Variants in BPTF observed in about 807,000 individuals in gnomAD.
BPTF encodes bromodomain PHD finger transcription factor.
Under a neutral mutation model 292.5 loss-of-function variants are expected in BPTF, and 18 were observed. The ratio of observed to expected loss-of-function variants is 0.06; its 90% CI spans 0.04 to 0.09. The LOEUF (loss-of-function observed/expected upper bound fraction) is 0.09. Ranked by LOEUF, BPTF falls within the 10% of genes least tolerant of loss-of-function variation. The pLI, the probability that BPTF is intolerant of heterozygous loss-of-function variation, is 1.00. For synonymous variants in BPTF, 1,225 were observed against 1,251.9 expected (o/e 0.98, Z 0.45); for missense variants, 2,726 against 3,498.7 (o/e 0.78, Z 5.57).
chr17:67,832,726 C>T (rs1210401050), intron 1 of BPTF, among the ~76,000 whole-genome samples: 2 of 151,890 alleles, frequency 1.3e-5, no homozygotes, highest in East Asian at 3.8e-4. Context: ...TTCTTCACCT[C>T]CCTCCTGCTC....
At position 67,826,304 on chromosome 17, in the gene BPTF, T is replaced by C; in HGVS notation, c.580T>C (p.Phe194Leu). 6.2e-7 allele frequency: 1 copy of C among 1,612,356 alleles called. No homozygotes were observed. Among genetic ancestry groups the C allele is most frequent in the Non-Finnish European group, 8.5e-7 (1 of 1,179,666 alleles). The change falls in exon 1 of 28, where the codon TTC becomes CTC. Residue 194 changes from phenylalanine (F) to leucine (L), a missense_variant. Phe to Leu is a conservative substitution (Grantham distance 22). Around this residue, in one of 22 missense-constraint regions of BPTF, gnomAD observed 153 missense variants for 178.3 expected, o/e 0.86. Coordinates refer to ENST00000306378, the MANE Select transcript of BPTF (RefSeq NM_182641.4). ...CGCCAGTTACTGCACGGAAAGCAGCTTCAGGAGCCATAGTACCTACAGCAG... is the reference window on the plus strand; with the variant it reads ...CGCCAGTTACTGCACGGAAAGCAGCCTCAGGAGCCATAGTACCTACAGCAG... Reference protein sequence around the residue: ...DDASYCTESSFRSHSTYSSTP... With the variant: ...DDASYCTESSLRSHSTYSSTP...
chr17:67,910,056 A>G (rs2062547585), intron 10 of BPTF, among the ~76,000 whole-genome samples: 1 of 152,216 alleles, frequency 6.6e-6, no homozygotes, highest in African/African-American at 2.4e-5. Flanking sequence ...CCACCAGCTT[A>G]GTGGTCTACT....
At chr17:67,895,589 A>T (rs149565165) in intron 7 of BPTF, among the ~76,000 whole-genome samples, 83 of 151,386 alleles carry the variant, frequency 5.5e-4, no homozygotes, top group Non-Finnish European at 9.6e-4. Flanking sequence ...CAGCCTCCTG[A>T]GTAGTTGGGA....
At chr17:67,855,866 C>T (rs2058660619) in intron 2 of BPTF, among the ~76,000 whole-genome samples, 2 of 152,140 alleles carry the variant, frequency 1.3e-5, no homozygotes, top group Admixed American at 1.3e-4. Flanking sequence ...AGTGTGCTGT[C>T]GAGAGGTCTG....
chr17:67,886,435 A>G (rs2060758203), intron 4 of BPTF: 1 of 680,838 alleles, frequency 1.5e-6, no homozygotes, highest in African/African-American at 1.9e-5. Flanking sequence ...AATTTTTTAA[A>G]TGAAAGTTTG....
chr17:67,918,975 ATC>A, intron 12 of BPTF, 137 bp downstream of exon 12: 1 of 823,508 alleles, frequency 1.2e-6, no homozygotes, highest in Non-Finnish European at 1.8e-6. Context: ...GATCCTGACC[ATC>A]CTGGCTAACA....
chr17:67,881,858 GTTT>G (rs71354089), intron 4 of BPTF, among the ~76,000 whole-genome samples: 5 of 30,014 alleles, frequency 1.7e-4, no homozygotes, highest in Non-Finnish European at 1.6e-4. Context: ...TTGGGTTTTT[GTTT>G]TTTTTTTTTT....
chr17:67,931,154 A>G (rs376872787), intron 17 of BPTF, among the ~76,000 whole-genome samples: 4 of 152,138 alleles, frequency 2.6e-5, no homozygotes, highest in East Asian at 3.9e-4. Context: ...GATCCCAGCT[A>G]CTTGGGAGGC....
At chr17:67,858,529 T>C (rs1272696244) in intron 2 of BPTF, among the ~76,000 whole-genome samples, 1 of 132,388 alleles carries the variant, frequency 7.6e-6, no homozygotes, top group East Asian at 2.2e-4. Flanking sequence ...TACTCCAGCC[T>C]GGGTGATGGA....
At position 67,912,714 on chromosome 17, in the gene BPTF, G is replaced by A; in HGVS notation, c.4830G>A (p.Lys1610=). Residue 1610 remains lysine (K), a synonymous_variant, in exon 11 of 28, where the codon AAG becomes AAA. Coordinates refer to ENST00000306378, the MANE Select transcript of BPTF (RefSeq NM_182641.4). The stretch of plus-strand genomic sequence containing the variant: ...TGATCAAGGTAGAAAAAGGCGATAA[G>A]CAAACTGTGGTTTCTTCCACAGAAA... ...KTVIKVEKGD[K]QTVVSSTENC... 2 of 1,614,028 alleles carry A rather than the reference G, an allele frequency of 1.2e-6. No homozygotes were observed. The highest frequency in any genetic ancestry group is 1.6e-4 in the Middle Eastern group (1 of 6,062).
chr17:67,943,501 C>G (rs2065557401), intron 19 of BPTF, among the ~76,000 whole-genome samples: 1 of 152,196 alleles, frequency 6.6e-6, no homozygotes, highest in Admixed American at 6.5e-5. Flanking sequence ...GGTAACTGCT[C>G]AGACCTTAGT....
intron 2 of BPTF, among the ~76,000 whole-genome samples, chr17:67,865,397 A>G (rs1313774942): frequency 6.6e-6 from 1 of 152,204 alleles, no homozygotes; most frequent in African/African-American, 2.4e-5. Flanking sequence ...ACTGTGGTAG[A>G]TGCCTTATCA....
At chr17:67,833,996 A>G (rs1251181502) in intron 1 of BPTF, among the ~76,000 whole-genome samples, 2 of 150,674 alleles carry the variant, frequency 1.3e-5, no homozygotes, top group East Asian at 3.9e-4. Flanking sequence ...TTCCTTATTC[A>G]CTCCTTATTT....
At chr17:67,841,295 G>C (rs1479961826) in intron 1 of BPTF, among the ~76,000 whole-genome samples, 7 of 152,080 alleles carry the variant, frequency 4.6e-5, no homozygotes. Context: ...TGTAATCCCA[G>C]CTACTCGGGA....
intron 4 of BPTF, among the ~76,000 whole-genome samples, chr17:67,881,862 T>TG (rs2060439084): frequency 2.3e-5 from 1 of 43,192 alleles, no homozygotes; most frequent in Admixed American, 2.1e-4. Flanking sequence ...GTTTTTGTTT[T>TG]TTTTTTTTTT....
At chr17:67,840,550 C>A (rs2057475179) in intron 1 of BPTF, among the ~76,000 whole-genome samples, 1 of 151,124 alleles carries the variant, frequency 6.6e-6, no homozygotes, top group Admixed American at 6.6e-5. Context: ...TCTCCTCTTC[C>A]TCCTCCTCCT....
At chr17:67,933,619 T>A (rs966565494) in intron 18 of BPTF, among the ~76,000 whole-genome samples, 3 of 152,076 alleles carry the variant, frequency 2.0e-5, no homozygotes, top group African/African-American at 7.2e-5. Flanking sequence ...TAATCTTGAA[T>A]CTTTATGAAT....
chr17:67,870,667 A>C (rs1007675430), intron 3 of BPTF, among the ~76,000 whole-genome samples: 3 of 152,104 alleles, frequency 2.0e-5, no homozygotes, highest in African/African-American at 4.8e-5. Flanking sequence ...GGTTCTGATA[A>C]TAGCCAAGAA....
intron 23 of BPTF, 54 bp downstream of exon 23, chr17:67,948,360 GCTTTTTT>G: frequency 1.4e-6 from 2 of 1,472,124 alleles, no homozygotes; most frequent in South Asian, 2.5e-5. Flanking sequence ...CTGAGGTTCT[GCTTTTTT>G]CCCTTGCCTT....
Sources: allele counts gnomAD v4.1 joint callset (sites outside exome capture counted in the v4.1 genomes callset), GRCh38; gene constraint gnomAD v4.1.1; regional missense constraint gnomAD v4.1.1; transcripts MANE v1.5; gene names NCBI Gene and HGNC (gene_info 2026-07-23, HGNC 2026-07-21).